The following SDK1 variants were observed in gnomAD, a reference collection of about 807,000 sequenced individuals.
The protein encoded by SDK1 is protein sidekick-1.
In SDK1, 157 loss-of-function variants were observed where a neutral mutation model predicts 245.5. The observed-to-expected ratio is 0.64, with a 90% CI of 0.56 to 0.73. The LOEUF is 0.73. SDK1 is among the 30% of genes least tolerant of loss of function. SDK1 has a pLI of 0.00. For synonymous variants in SDK1, 1,647 were observed against 1,278.5 expected (o/e 1.29, Z -6.15); for missense variants, 3,583 against 3,002.3 (o/e 1.19, Z -4.52).
At chr7:4,108,058 C>T (rs1227654229) in intron 22 of SDK1, among the ~76,000 whole-genome samples, 6 of 152,288 alleles carry the variant, frequency 3.9e-5, no homozygotes, top group East Asian at 1.9e-4. Context: ...GACACTGTGC[C>T]GGGGCCAGAG....
chr7:4,011,235 G>A, intron 15 of SDK1, 122 bp downstream of exon 15: 1 of 1,250,018 alleles, frequency 8.0e-7, no homozygotes, highest in Admixed American at 2.2e-5. Context: ...CAGGGAGACG[G>A]GACAAACCGT....
intron 22 of SDK1, among the ~76,000 whole-genome samples, chr7:4,095,686 C>G (rs1486129817): frequency 2.0e-5 from 3 of 152,198 alleles, no homozygotes; most frequent in African/African-American, 7.2e-5. Context: ...GATTCTGCTG[C>G]CTCAGCCTCC....
In SDK1 at chr7:3,526,277, C is replaced by G. The variant is rs576446084; in HGVS notation, c.299-92803C>G. On this transcript the variant is annotated intron_variant, in intron 1 of 44. Coordinates refer to ENST00000404826, the MANE Select transcript of SDK1 (RefSeq NM_152744.4). ...TCACACTGTGACCTTTATAGGATAT[C>G]TTTTTACTGTCCAGTTTTACATATA... 3.3e-5 allele frequency among the ~76,000 whole-genome samples: 5 copies of G among 151,988 alleles called. No individual in the cohort carries two copies. In the South Asian group the frequency reaches 1.0e-3, roughly 32 times the overall value.
chr7:3,970,704 C>T (rs1385433099), intron 11 of SDK1, among the ~76,000 whole-genome samples: 2 of 152,220 alleles, frequency 1.3e-5, no homozygotes, highest in Non-Finnish European at 2.9e-5. Context: ...AGAACATTTT[C>T]ACACACTCTG....
At chr7:3,889,914 G>A (rs1332218661) in intron 5 of SDK1, among the ~76,000 whole-genome samples, 1 of 152,170 alleles carries the variant, frequency 6.6e-6, no homozygotes, top group Admixed American at 6.5e-5. Flanking sequence ...GTGAACTCTT[G>A]AGAACCTTCC....
chr7:3,959,416 A>G (rs1238534704), intron 8 of SDK1, among the ~76,000 whole-genome samples: 2 of 152,262 alleles, frequency 1.3e-5, no homozygotes, highest in Non-Finnish European at 1.5e-5. Context: ...CACTCTAGAA[A>G]GGGAGATGGG....
chr7:3,951,734 G>C lies in SDK1; in HGVS notation c.964G>C (p.Val322Leu). 1 of 1,613,068 alleles carries C rather than the reference G, an allele frequency of 6.2e-7. No individual in the cohort carries two copies. Among genetic ancestry groups the C allele is most frequent in the Non-Finnish European group, 8.5e-7 (1 of 1,179,946 alleles). ...GAATGCCTTTCATTCCCACAGGCCTGTGGAGGACCTGAGTGTGACCTGGAA... is the reference window on the plus strand; with the variant it reads ...GAATGCCTTTCATTCCCACAGGCCTCTGGAGGACCTGAGTGTGACCTGGAA... The part of the protein sequence containing the change: ...TLECIASARP[V>L]EDLSVTWKRN... Residue 322 changes from valine (V) to leucine (L), a missense_variant, in exon 7 of 45, where the codon GTG becomes CTG. Val to Leu is a conservative substitution (Grantham distance 32). Transcript: ENST00000404826.
At chr7:4,169,325 G>T (rs1488790985) in intron 32 of SDK1, among the ~76,000 whole-genome samples, 4 of 152,196 alleles carry the variant, frequency 2.6e-5, no homozygotes, top group African/African-American at 7.2e-5. Flanking sequence ...CCTGGCTCAG[G>T]CACTGGGAAC....
chr7:3,985,960 G>A (rs1348064744), intron 13 of SDK1, among the ~76,000 whole-genome samples: 1 of 152,140 alleles, frequency 6.6e-6, no homozygotes, highest in Non-Finnish European at 1.5e-5. Context: ...CCAAAAGCTG[G>A]TTAGCGGTGA....
intron 35 of SDK1, among the ~76,000 whole-genome samples, chr7:4,181,167 A>G (rs909737925): frequency 6.6e-6 from 1 of 152,130 alleles, no homozygotes; most frequent in African/African-American, 2.4e-5. Context: ...TCACCTCTCG[A>G]TACTTGGTAC....
intron 4 of SDK1, among the ~76,000 whole-genome samples, chr7:3,785,394 G>T (rs1327346863): frequency 1.3e-5 from 2 of 152,062 alleles, no homozygotes; most frequent in African/African-American, 4.8e-5. Context: ...ATATGTTAAC[G>T]AGATTGATTT....
chr7:3,736,843 A>G (rs532271682), intron 4 of SDK1, among the ~76,000 whole-genome samples: 5 of 152,356 alleles, frequency 3.3e-5, no homozygotes, highest in East Asian at 1.9e-4. Flanking sequence ...TGTACAATAC[A>G]GTATTATTAA....
chr7:3,754,748 TGAAA>T (rs536129697), intron 4 of SDK1, among the ~76,000 whole-genome samples: 317 of 152,236 alleles, frequency 2.1e-3, no homozygotes, highest in Non-Finnish European at 3.3e-3. Context: ...TCAGACATGA[TGAAA>T]GAAAGTCTCA....
At chr7:4,050,505 C>A (rs961890221) in intron 18 of SDK1, among the ~76,000 whole-genome samples, 1 of 152,186 alleles carries the variant, frequency 6.6e-6, no homozygotes, top group African/African-American at 2.4e-5. Flanking sequence ...ATACGCTTTG[C>A]GTCCTGCAGC....
intron 44 of SDK1, among the ~76,000 whole-genome samples, chr7:4,260,987 T>TA (rs1345719865): frequency 6.6e-6 from 1 of 152,198 alleles, no homozygotes; most frequent in Non-Finnish European, 1.5e-5. Flanking sequence ...TATTGTACCA[T>TA]AAGCCAAACA....
At chr7:4,024,563 A>T (rs1461983065) in intron 17 of SDK1, among the ~76,000 whole-genome samples, 1 of 152,230 alleles carries the variant, frequency 6.6e-6, no homozygotes, top group East Asian at 1.9e-4. Context: ...CTCATGCTTT[A>T]GGGGAAGCCA....
chr7:3,940,062 C>A (rs1473557398), intron 5 of SDK1, among the ~76,000 whole-genome samples: 1 of 152,134 alleles, frequency 6.6e-6, no homozygotes, highest in African/African-American at 2.4e-5. Flanking sequence ...TGGAGGATGG[C>A]CGGAGCCACC....
At chr7:4,187,106 T>C (rs1023722901) in intron 35 of SDK1, among the ~76,000 whole-genome samples, 5 of 151,996 alleles carry the variant, frequency 3.3e-5, no homozygotes. Context: ...GTTATGTCTG[T>C]GTGAGGGACT....
intron 14 of SDK1, among the ~76,000 whole-genome samples, chr7:3,995,625 C>G (rs748088681): frequency 1.3e-5 from 2 of 152,186 alleles, no homozygotes; most frequent in African/African-American, 2.4e-5. Context: ...TCCAACTACA[C>G]GAAGATACCC....
Sources: allele counts gnomAD v4.1 joint callset (sites outside exome capture counted in the v4.1 genomes callset), GRCh38; gene constraint gnomAD v4.1.1; transcripts MANE v1.5; gene names NCBI Gene and HGNC (gene_info 2026-07-23, HGNC 2026-07-21).